PI4KA: variants seen among roughly 807,000 people sequenced by gnomAD.
PI4KA encodes phosphatidylinositol 4-kinase alpha, also known as PI4-kinase alpha.
PI4KA carries 122 observed loss-of-function variants against 271.4 expected under a neutral mutation model. That is an observed-to-expected ratio of 0.45 (90% CI 0.39 to 0.52). PI4KA has a LOEUF of 0.52. PI4KA is among the 20% of genes least tolerant of loss of function. The pLI is 0.00. For missense variants in PI4KA, 1,969 were observed against 2,769.1 expected (o/e 0.71, Z 6.48); for synonymous variants, 1,041 against 1,078.8 (o/e 0.96, Z 0.69).
Position 20,855,701 on chromosome 22 carries a change from A to C in PI4KA, c.156+2869T>G, listed in dbSNP as rs1374863836. 2.0e-5 allele frequency among the ~76,000 whole-genome samples: 3 copies of C among 152,336 alleles called. No individual in the cohort carries two copies. In the East Asian group the frequency reaches 5.8e-4, roughly 29 times the overall value. On this transcript the variant is annotated intron_variant, in intron 1 of 54. Transcript: ENST00000255882. ...AGCAAAATATTCAATACATGTGTGC[A>C]GTTTGTGCCCAGGAAAGTCCATTAG...
intron 19 of PI4KA, chr22:20,784,076 T>C (rs1450804799): frequency 1.9e-6 from 3 of 1,614,040 alleles, no homozygotes; most frequent in African/African-American, 1.3e-5. Flanking sequence ...CAAGGGGAAC[T>C]TCCTCGCAGC....
chr22:20,841,536 T>A (rs1354783053), intron 1 of PI4KA, among the ~76,000 whole-genome samples: 3 of 152,192 alleles, frequency 2.0e-5, no homozygotes, highest in Non-Finnish European at 4.4e-5. Context: ...TAGCTTTAAA[T>A]GTGAAGTGAA....
chr22:20,732,816 C>T (rs1202867322), intron 36 of PI4KA, among the ~76,000 whole-genome samples, 155 bp downstream of exon 36: 3 of 152,212 alleles, frequency 2.0e-5, no homozygotes, highest in African/African-American at 7.2e-5. Context: ...GCCAGGCATG[C>T]ACCGGCCTCC....
chr22:20,782,060 C>G (rs562615825), intron 19 of PI4KA, among the ~76,000 whole-genome samples: 1 of 152,322 alleles, frequency 6.6e-6, no homozygotes, highest in East Asian at 1.9e-4. Context: ...TTTACTTCTA[C>G]TAGCAAATAA....
intron 1 of PI4KA, among the ~76,000 whole-genome samples, chr22:20,856,522 C>T (rs968245502): frequency 6.6e-6 from 1 of 151,528 alleles, no homozygotes; most frequent in Non-Finnish European, 1.5e-5. Flanking sequence ...GCAACCTCTG[C>T]CTCTCAGGTT....
intron 1 of PI4KA, among the ~76,000 whole-genome samples, chr22:20,852,905 G>A (rs1360343332): frequency 6.6e-6 from 1 of 152,110 alleles, no homozygotes; most frequent in African/African-American, 2.4e-5. Context: ...GTCCACCAAG[G>A]AGGGTTCAGC....
At chr22:20,708,271 C>G (rs1474619630) in intron 54 of PI4KA, among the ~76,000 whole-genome samples, 173 bp from the exon 55 acceptor site, 2 of 152,184 alleles carry the variant, frequency 1.3e-5, no homozygotes, top group African/African-American at 2.4e-5. Flanking sequence ...CCTGCTCCAA[C>G]CCGGGGGACT....
intron 29 of PI4KA, among the ~76,000 whole-genome samples, chr22:20,745,963 C>T (rs533424912): frequency 2.7e-5 from 4 of 149,114 alleles, no homozygotes; most frequent in Non-Finnish European, 5.9e-5. Context: ...CTCAGCCTCC[C>T]GAGTAGCTGG....
chr22:20,742,452 G>A (rs1006858390), intron 31 of PI4KA, 97 bp from the exon 32 acceptor site: 1 of 1,562,270 alleles, frequency 6.4e-7, no homozygotes, highest in Non-Finnish European at 8.7e-7. Flanking sequence ...TGGGGCCAGT[G>A]ATGGCCTTTT....
rs141223888 is a variant in PI4KA at position 20,797,760 on chromosome 22, G to A, written c.2108+824C>T. Among the ~76,000 whole-genome samples the A allele has an allele frequency of 5.1e-3, 773 of 150,616 alleles. 10 individuals carry two copies. The highest frequency in any genetic ancestry group is 0.018 in the African/African-American group (750 of 40,650). On this transcript the variant is annotated intron_variant, in intron 17 of 54. Transcript: ENST00000255882. The stretch of plus-strand genomic sequence containing the variant: ...AGCTACATGGCATGGCTCCACAGCT[G>A]CACTCCCACCCACTAAACTGACATG...
intron 23 of PI4KA, 51 bp downstream of exon 23, chr22:20,761,253 T>A (rs1199402972): frequency 9.6e-7 from 1 of 1,039,482 alleles, no homozygotes; most frequent in African/African-American, 1.6e-5. Context: ...TACGCCTTTT[T>A]ACCCTATTAA....
chr22:20,835,577 C>T (rs1402731358), intron 2 of PI4KA, among the ~76,000 whole-genome samples: 1 of 152,016 alleles, frequency 6.6e-6, no homozygotes, highest in African/African-American at 2.4e-5. Context: ...ACTAAAAATA[C>T]AAGTATTAGC....
chr22:20,832,848 G>T (rs1601591276), intron 3 of PI4KA, among the ~76,000 whole-genome samples: 1 of 152,218 alleles, frequency 6.6e-6, no homozygotes, highest in Non-Finnish European at 1.5e-5. Context: ...ACTTTCTCCT[G>T]AATGTTGATG....
At chr22:20,763,862 C>T (rs1932251397) in intron 22 of PI4KA, among the ~76,000 whole-genome samples, 2 of 152,152 alleles carry the variant, frequency 1.3e-5, no homozygotes, top group South Asian at 4.1e-4. Context: ...GGGCTGAGGG[C>T]AGGGAGGAGG....
intron 32 of PI4KA, 124 bp from the exon 33 acceptor site, chr22:20,734,677 T>C (rs1928494700): frequency 9.4e-7 from 1 of 1,063,576 alleles, no homozygotes; most frequent in Non-Finnish European, 1.4e-6. Flanking sequence ...AAGAAAAGTA[T>C]GAAGAAAAAA....
At chr22:20,830,412 T>A (rs1470427008) in intron 3 of PI4KA, among the ~76,000 whole-genome samples, 1 of 152,196 alleles carries the variant, frequency 6.6e-6, no homozygotes. Flanking sequence ...TTCTTTGTCT[T>A]TTGTGATCTT....
intron 23 of PI4KA, among the ~76,000 whole-genome samples, chr22:20,758,327 T>C (rs1346095891): frequency 1.7e-5 from 2 of 120,032 alleles, no homozygotes; most frequent in East Asian, 2.7e-4. Flanking sequence ...ATCGTTCCAC[T>C]GCACTCCAGC....
In PI4KA at chr22:20,771,669, C is replaced by T. The variant is rs922184708; in HGVS notation, c.2329-5976G>A. On this transcript the variant is annotated intron_variant, in intron 19 of 54. Transcript: ENST00000255882. ...TGAACTCGGCTCACTGCAACCTTCA[C>T]CTCCCAGGTTCAAGCGATTGTCCTG... 3.9e-5 allele frequency among the ~76,000 whole-genome samples: 6 copies of T among 152,002 alleles called. No individual in the cohort carries two copies. In the East Asian group the frequency reaches 1.2e-3, roughly 30 times the overall value.
At position 20,711,134 on chromosome 22, in the gene PI4KA, G is replaced by A. The variant is rs565011599; in HGVS notation, c.5923+207C>T. 4.2e-5 allele frequency: 23 copies of A among 545,698 alleles called. 2 individuals carry two copies. Among genetic ancestry groups the A allele is most frequent in the Non-Finnish European group, 1.6e-5 (5 of 312,222 alleles). 33.8% of individuals were successfully genotyped at this position (545,698 alleles called of 1,614,324 possible). On this transcript the variant is annotated intron_variant, in intron 51 of 54. Transcript: ENST00000255882. Reference sequence around the variant, plus strand: ...CCAGCTTCTGACTCAGAGCAATGGCGGCTCTCGCCCTAGCTCCCTGGGGCC... The same window carrying A: ...CCAGCTTCTGACTCAGAGCAATGGCAGCTCTCGCCCTAGCTCCCTGGGGCC...
Sources: gnomAD v4.1 joint callset for allele counts (sites outside exome capture counted in the v4.1 genomes callset) on GRCh38, gnomAD v4.1.1 for gene constraint, MANE v1.5 for transcripts, NCBI Gene and HGNC (gene_info 2026-07-23, HGNC 2026-07-21) for gene names.